TRIM49D1: variants seen among roughly 807,000 people sequenced by gnomAD.
TRIM49D1 encodes tripartite motif containing 49D1.
rs910957935 is a variant in TRIM49D1, at chr11:89,922,216, G to A, written c.-580C>T. On this transcript the variant is annotated 5_prime_UTR_variant, in exon 1 of 8. Coordinates refer to ENST00000420869, the MANE Select transcript of TRIM49D1 (RefSeq NM_001384911.1). ...GAGTATGGGGATGTAATGCTCAGGG[G>A]CCAGACAGTCGGCTGCAGCAGCACA... is the stretch of plus-strand genomic sequence containing the variant. 4.6e-5 allele frequency among the ~76,000 whole-genome samples: 7 copies of A among 152,034 alleles called. No individual in the cohort carries two copies. The highest frequency in any genetic ancestry group is 1.4e-4 in the African/African-American group (6 of 41,396).
At chr11:89,920,623 A>G (rs1199703359) in intron 1 of TRIM49D1, 114 bp from the exon 2 acceptor site, 7 of 376,822 alleles carry the variant, frequency 1.9e-5, no homozygotes, top group Admixed American at 9.1e-5. Context: ...TTAAAAAACC[A>G]TGATTTAAAT....
intron 1 of TRIM49D1, chr11:89,921,612 G>A (rs1232017863): frequency 6.6e-6 from 1 of 151,954 alleles, no homozygotes; most frequent in Non-Finnish European, 1.5e-5. Context: ...TATGAATTAA[G>A]TGCAAGGAAC....
At chr11:89,921,601 A>C (rs1430236100) in intron 1 of TRIM49D1, 1 of 152,030 alleles carries the variant, frequency 6.6e-6, no homozygotes, top group Non-Finnish European at 1.5e-5. Flanking sequence ...GGAGATTCAC[A>C]TATGAATTAA....
At chr11:89,912,796 AAACCCCAAGAATCTCCAG>A (rs1219006047) in intron 7 of TRIM49D1, among the ~76,000 whole-genome samples, 2 of 11,762 alleles carry the variant, frequency 1.7e-4, no homozygotes, top group African/African-American at 6.6e-4. Flanking sequence ...AAAAATTAAA[AAACCCCAAGAATCTCCAG>A]TGAACTATAT....
At chr11:89,921,075 A>T (rs1417977076) in intron 1 of TRIM49D1, among the ~76,000 whole-genome samples, 1 of 152,082 alleles carries the variant, frequency 6.6e-6, no homozygotes, top group Non-Finnish European at 1.5e-5. Flanking sequence ...GGATATTCGA[A>T]GAGAAGTCCA....
chr11:89,921,950 A>T lies in TRIM49D1; in HGVS notation c.-314T>A, dbSNP rs1050843334. On this transcript the variant is annotated 5_prime_UTR_variant, in exon 1 of 8. Transcript: ENST00000420869. The stretch of plus-strand genomic sequence containing the variant: ...GTGAGTGTTTCATTGAATAACAATA[A>T]GAAAGTTTGTCTATGCCACAAAGTC... Among the ~76,000 whole-genome samples, 2 of 152,044 alleles carry T rather than the reference A, an allele frequency of 1.3e-5. No individual in the cohort carries two copies. The highest frequency in any genetic ancestry group is 4.8e-5 in the African/African-American group (2 of 41,334).
Position 89,911,437 on chromosome 11 carries a change from AAC to A in TRIM49D1, c.*148_*149del. ...TAGTGTTTTTACCACATTTAATAGT[AAC>A]ACAATAAATGAGTTTTAATAACATT... On this transcript the variant is annotated 3_prime_UTR_variant, in exon 8 of 8. Coordinates refer to ENST00000420869, the MANE Select transcript of TRIM49D1 (RefSeq NM_001384911.1). 2.9e-6 allele frequency: 4 copies of A among 1,370,146 alleles called. No homozygotes were observed. The South Asian group carries it at 5.1e-5, about 18-fold the overall frequency. The allele number at this position is 1,370,146 out of a possible 1,614,324, so 84.9% of individuals were successfully genotyped here.
Position 89,922,144 on chromosome 11 carries a change from T to C in TRIM49D1, c.-508A>G, listed in dbSNP as rs1950338467. The stretch of plus-strand genomic sequence containing the variant: ...ATTCTGTTCCACTGGTCTATGTGCC[T>C]ATTTTTGTACCAGTACCATGCTGTT... On this transcript the variant is annotated 5_prime_UTR_variant, in exon 1 of 8. In the 5' UTR this introduces an upstream ATG that the reference lacks. Coordinates refer to ENST00000420869, the MANE Select transcript of TRIM49D1 (RefSeq NM_001384911.1). 6.6e-6 allele frequency among the ~76,000 whole-genome samples: 1 copy of C among 152,010 alleles called. No homozygotes were observed. Among genetic ancestry groups the C allele is most frequent in the South Asian group, 2.1e-4 (1 of 4,810 alleles).
intron 1 of TRIM49D1, among the ~76,000 whole-genome samples, chr11:89,921,377 T>C (rs1425869843): frequency 6.6e-6 from 1 of 152,060 alleles, no homozygotes; most frequent in East Asian, 1.9e-4. Context: ...TTTCTTTCTA[T>C]AACAAATATT....
intron 1 of TRIM49D1, among the ~76,000 whole-genome samples, chr11:89,921,370 C>A (rs1950331458): frequency 1.3e-5 from 2 of 151,948 alleles, no homozygotes; most frequent in South Asian, 2.1e-4. Context: ...TTATATTTTT[C>A]TTTCTATAAC....
intron 7 of TRIM49D1, among the ~76,000 whole-genome samples, chr11:89,912,597 GTC>G (rs1198299751): frequency 1.5e-5 from 2 of 133,126 alleles, no homozygotes; most frequent in African/African-American, 2.6e-5. Flanking sequence ...TCTTTTACCA[GTC>G]TCTCTGTTGG....
intron 1 of TRIM49D1, 43 bp downstream of exon 1, chr11:89,921,807 CTA>C (rs1371264946): frequency 6.6e-6 from 1 of 152,012 alleles, no homozygotes; most frequent in African/African-American, 2.4e-5. Context: ...CAAGGAATGC[CTA>C]TGTCTTTCTT....
intron 1 of TRIM49D1, among the ~76,000 whole-genome samples, chr11:89,920,994 T>A (rs1950328602): frequency 6.6e-6 from 1 of 152,076 alleles, no homozygotes. Context: ...GGTCTTGGAC[T>A]TCCAAAATGC....
rs1473920867 is a variant in TRIM49D1 at position 89,922,005 on chromosome 11, A to G, written c.-369T>C. Among the ~76,000 whole-genome samples, 1 of 151,974 alleles carries G rather than the reference A, an allele frequency of 6.6e-6. No homozygotes were observed. Among genetic ancestry groups the G allele is most frequent in the Non-Finnish European group, 1.5e-5 (1 of 68,018 alleles). The stretch of plus-strand genomic sequence containing the variant: ...TTCATTCTCCTACATGTGGCTTGCC[A>G]ATTATCCCAGCACCATTTGTTGAAT... On this transcript the variant is annotated 5_prime_UTR_variant, in exon 1 of 8. Transcript: ENST00000420869.
intron 1 of TRIM49D1, chr11:89,921,513 T>C (rs557375556): frequency 6.6e-5 from 10 of 152,110 alleles, no homozygotes; most frequent in Admixed American, 6.5e-4. Flanking sequence ...GTCAGAACAG[T>C]GAAGACAAAT....
intron 1 of TRIM49D1, chr11:89,921,535 A>G (rs997848861): frequency 4.6e-5 from 7 of 152,020 alleles, no homozygotes; most frequent in Admixed American, 3.9e-4. Flanking sequence ...TGTCAGCCCT[A>G]TGTCTGTCAA....
rs546373354 is a variant in TRIM49D1, at chr11:89,920,913, C to G, written c.-215-404G>C. On this transcript the variant is annotated intron_variant, in intron 1 of 7. Coordinates refer to ENST00000420869, the MANE Select transcript of TRIM49D1 (RefSeq NM_001384911.1). The stretch of plus-strand genomic sequence containing the variant: ...CCACCTGGCTAATGTTTTTTTAAAA[C>G]TTTTCATAGAGTCAGGGTATGGCTC... Among the ~76,000 whole-genome samples, 3 of 152,026 alleles carry G rather than the reference C, an allele frequency of 2.0e-5. No individual in the cohort carries two copies. In the East Asian group the frequency reaches 5.8e-4, roughly 29 times the overall value.
At chr11:89,920,885 A>G (rs1277861595) in intron 1 of TRIM49D1, among the ~76,000 whole-genome samples, 1 of 151,940 alleles carries the variant, frequency 6.6e-6, no homozygotes, top group Non-Finnish European at 1.5e-5. Flanking sequence ...GGCTCAAACC[A>G]TCCCACCTGG....
rs1950324541 is a variant in TRIM49D1, at chr11:89,920,408, CA to C, written c.-115del. 5.8e-6 allele frequency: 1 copy of C among 172,198 alleles called. No individual in the cohort carries two copies. 10.7% of individuals were successfully genotyped at this position (172,198 alleles called of 1,614,324 possible). On this transcript the variant is annotated 5_prime_UTR_variant, in exon 2 of 8. Coordinates refer to ENST00000420869, the MANE Select transcript of TRIM49D1 (RefSeq NM_001384911.1). Reference sequence around the variant, plus strand: ...CGCAGTACTGAGTTTCAGAGGTCACCAAAACACAGCTTCCTCTAAGTGCGCT... The same window carrying C: ...CGCAGTACTGAGTTTCAGAGGTCACCAAACACAGCTTCCTCTAAGTGCGCT...
Sources: gnomAD v4.1 joint callset for allele counts (sites outside exome capture counted in the v4.1 genomes callset) on GRCh38, gnomAD v4.1.1 for gene constraint, MANE v1.5 for transcripts, NCBI Gene and HGNC (gene_info 2026-07-23, HGNC 2026-07-21) for gene names.